Variants in CDC42SE2 observed in about 807,000 individuals in gnomAD.
CDC42SE2 encodes CDC42 small effector protein 2.
A neutral mutation model predicts 11.5 loss-of-function variants in CDC42SE2; 3 were observed. The ratio of observed to expected loss-of-function variants is 0.26; its 90% CI spans 0.12 to 0.67. The LOEUF is 0.67. Among genes scored for constraint, CDC42SE2 ranks in the 30% least tolerant of loss-of-function variants. The pLI is 0.80. For synonymous variants in CDC42SE2, 33 were observed against 34.8 expected, an observed-to-expected ratio of 0.95 and a Z score of 0.18; for missense variants, 82 against 106.8, an observed-to-expected ratio of 0.77 and a Z score of 1.02.
intron 1 of CDC42SE2, among the ~76,000 whole-genome samples, chr5:131,302,236 A>G (rs530555487): frequency 4.0e-5 from 6 of 150,684 alleles, no homozygotes; most frequent in African/African-American, 1.2e-4. Context: ...CTGGAGTGCA[A>G]TGGTGCGATG....
At chr5:131,332,656 C>G (rs1236662712) in intron 2 of CDC42SE2, among the ~76,000 whole-genome samples, 1 of 152,140 alleles carries the variant, frequency 6.6e-6, no homozygotes, top group Admixed American at 6.5e-5. Flanking sequence ...TAATGATCAC[C>G]ATTCTAACTG....
At chr5:131,389,623 G>C (rs1319150934) in intron 4 of CDC42SE2, among the ~76,000 whole-genome samples, 1 of 152,182 alleles carries the variant, frequency 6.6e-6, no homozygotes, top group Non-Finnish European at 1.5e-5. Flanking sequence ...AGTTAGACAA[G>C]TCTTACTTTA....
chr5:131,264,491 ACC>A (rs61561892), intron 1 of CDC42SE2, among the ~76,000 whole-genome samples: 7 of 108,556 alleles, frequency 6.4e-5, no homozygotes, highest in African/African-American at 1.9e-4. Context: ...GGAAAGGCAG[ACC>A]CCCCCCCTCC....
At chr5:131,234,113 A>G in the CDC42SE2 span, among the ~76,000 whole-genome samples, 1 of 152,264 alleles carries the variant, frequency 6.6e-6, no homozygotes, top group African/African-American at 2.4e-5. Flanking sequence ...TGCAGCAACT[A>G]GCATTTCCCT....
At chr5:131,291,344 C>G (rs1757454053) in intron 1 of CDC42SE2, among the ~76,000 whole-genome samples, 1 of 152,034 alleles carries the variant, frequency 6.6e-6, no homozygotes, top group Non-Finnish European at 1.5e-5. Flanking sequence ...GGAACCACTC[C>G]TAGGAATTGA....
rs550111939 is a variant in CDC42SE2, at chr5:131,257,624, C to T, written n.242+2395C>T. Reference sequence around the variant, plus strand: ...TCCCAAGTAGCCAGGACTACAGGTGCGCACCACCATGCCTGGCTAATTTTT... The same window carrying T: ...TCCCAAGTAGCCAGGACTACAGGTGTGCACCACCATGCCTGGCTAATTTTT... On this transcript the variant is annotated intron_variant and non_coding_transcript_variant, in intron 2 of 3. Transcript: ENST00000502840. Among the ~76,000 whole-genome samples, 7 of 151,924 alleles carry T rather than the reference C, an allele frequency of 4.6e-5. No homozygotes were observed. In the East Asian group the frequency reaches 5.8e-4, roughly 13 times the overall value.
At chr5:131,226,543 T>C in the CDC42SE2 span, among the ~76,000 whole-genome samples, 7,175 of 152,230 alleles carry the variant, frequency 0.047, 415 homozygotes, top group African/African-American at 0.14. Context: ...GTGATATGCA[T>C]TGGGGAAAGT....
In CDC42SE2 at chr5:131,335,453, G is replaced by A. The variant is rs188967709; in HGVS notation, c.-286+19309G>A. ...AAGAATGTATATTCTGTTGATTTGG[G>A]GTGGAGAGTTCTGTAGATGTCTATT... On this transcript the variant is annotated intron_variant, in intron 2 of 4. Coordinates refer to ENST00000505065, the MANE Select transcript of CDC42SE2 (RefSeq NM_001375635.1). Among the ~76,000 whole-genome samples, 615 of 152,284 alleles carry A rather than the reference G, an allele frequency of 4.0e-3. 6 individuals are homozygous for A. Among genetic ancestry groups the A allele is most frequent in the African/African-American group, 0.014 (595 of 41,554 alleles).
At chr5:131,234,851 C>T in the CDC42SE2 span, among the ~76,000 whole-genome samples, 1 of 150,912 alleles carries the variant, frequency 6.6e-6, no homozygotes, top group Non-Finnish European at 1.5e-5. Context: ...CTTTTTGTTC[C>T]AATGGGCCCC....
At chr5:131,285,033 AT>A (rs1174871737) in intron 1 of CDC42SE2, among the ~76,000 whole-genome samples, 1 of 151,690 alleles carries the variant, frequency 6.6e-6, no homozygotes, top group African/African-American at 2.4e-5. Context: ...CATTCCTGTA[AT>A]CCCAGCACTT....
chr5:131,228,886 C>T, the CDC42SE2 span, among the ~76,000 whole-genome samples: 3 of 152,192 alleles, frequency 2.0e-5, no homozygotes, highest in African/African-American at 7.2e-5. Flanking sequence ...ACAGCTCTCA[C>T]CAGAAACTAA....
At chr5:131,314,447 C>CAAA (rs1196303984) in intron 1 of CDC42SE2, among the ~76,000 whole-genome samples, 2 of 152,038 alleles carry the variant, frequency 1.3e-5, no homozygotes, top group African/African-American at 4.8e-5. Flanking sequence ...CCCTGTGTTT[C>CAAA]CCAGGCTGGT....
At chr5:131,319,457 C>A (rs1324452236) in intron 2 of CDC42SE2, among the ~76,000 whole-genome samples, 1 of 152,046 alleles carries the variant, frequency 6.6e-6, no homozygotes, top group East Asian at 1.9e-4. Context: ...GGCTGTTGTA[C>A]CCCCATAGAC....
chr5:131,307,080 T>C (rs1016347928), intron 1 of CDC42SE2, among the ~76,000 whole-genome samples: 3 of 152,042 alleles, frequency 2.0e-5, no homozygotes, highest in African/African-American at 7.2e-5. Flanking sequence ...TTTATTATTA[T>C]TATACTTTAA....
chr5:131,264,138 C>G lies in CDC42SE2; in HGVS notation c.-483C>G, dbSNP rs947436339. 1 of 152,288 alleles carries G rather than the reference C, an allele frequency of 6.6e-6. No homozygotes were observed. The highest frequency in any genetic ancestry group is 6.5e-5 in the Admixed American group (1 of 15,278). 9.4% of individuals were successfully genotyped at this position (152,288 alleles called of 1,614,324 possible). On this transcript the variant is annotated 5_prime_UTR_variant, in exon 1 of 5. Coordinates refer to ENST00000505065, the MANE Select transcript of CDC42SE2 (RefSeq NM_001375635.1). Reference sequence around the variant, plus strand: ...AGCCGGCGCTGAGAGGGGCTGCGGCCGGAGCGGGCGGCTGAGACAAAGGCG... The same window carrying G: ...AGCCGGCGCTGAGAGGGGCTGCGGCGGGAGCGGGCGGCTGAGACAAAGGCG...
intron 2 of CDC42SE2, among the ~76,000 whole-genome samples, chr5:131,342,720 AT>A (rs541417600): frequency 1.7e-4 from 24 of 139,758 alleles, no homozygotes; most frequent in African/African-American, 3.4e-4. Context: ...ATTCTTTTTT[AT>A]TTTTTTTTTG....
At chr5:131,295,783 C>T (rs945491593) in intron 1 of CDC42SE2, among the ~76,000 whole-genome samples, 12 of 147,412 alleles carry the variant, frequency 8.1e-5, no homozygotes, top group African/African-American at 2.8e-4. Flanking sequence ...CCCGGGTTCA[C>T]GCCATTCTCC....
chr5:131,377,711 T>A (rs946172842), intron 3 of CDC42SE2, among the ~76,000 whole-genome samples: 1 of 152,138 alleles, frequency 6.6e-6, no homozygotes, highest in Non-Finnish European at 1.5e-5. Flanking sequence ...CTACCCAATA[T>A]AAAAACTAAA....
chr5:131,386,882 T>C (rs1750503139), intron 4 of CDC42SE2, among the ~76,000 whole-genome samples: 1 of 152,198 alleles, frequency 6.6e-6, no homozygotes, highest in African/African-American at 2.4e-5. Flanking sequence ...ACAGGGACTT[T>C]AAAAATAGGT....
Sources: gnomAD v4.1 joint callset for allele counts (sites outside exome capture counted in the v4.1 genomes callset) on GRCh38, gnomAD v4.1.1 for gene constraint, MANE v1.5 for transcripts, NCBI Gene and HGNC (gene_info 2026-07-23, HGNC 2026-07-21) for gene names.